Variants in CUBN observed in about 807,000 individuals in gnomAD.
The protein encoded by CUBN is 460 kDa receptor.
CUBN carries 282 observed loss-of-function variants against 405.3 expected under a neutral mutation model. The observed-to-expected ratio is 0.70, with a 90% confidence interval of 0.63 to 0.77. CUBN has a LOEUF of 0.77. CUBN is among the 30% of genes least tolerant of loss of function. The probability of loss-of-function intolerance (pLI) is 0.00; values close to 1 mark genes in which losing one functional copy is unlikely to be tolerated. For missense variants in CUBN, 4,514 were observed against 4,475.2 expected (o/e 1.01, Z -0.25); for synonymous variants, 1,684 against 1,617.0 (o/e 1.04, Z -0.99).
At position 16,914,010 on chromosome 10, in the gene CUBN, C is replaced by T. The variant is rs1841810238; in HGVS notation, c.7352-18G>A. 1.9e-6 allele frequency: 3 copies of T among 1,613,220 alleles called. No individual in the cohort carries two copies. Among genetic ancestry groups the T allele is most frequent in the Non-Finnish European group, 2.5e-6 (3 of 1,179,754 alleles). Reference sequence around the variant, plus strand: ...ACCACACTCTGACGTGGGGAAAAAGCCAAGAAAACTTTCAATCAAATCAAA... The same window carrying T: ...ACCACACTCTGACGTGGGGAAAAAGTCAAGAAAACTTTCAATCAAATCAAA... On this transcript the variant is annotated intron_variant, in intron 47 of 66. Transcript: ENST00000377833.
rs142292210 is a variant in CUBN, at chr10:17,068,143, A to G, written c.2929T>C (p.Phe977Leu). 8.0e-5 allele frequency: 129 copies of G among 1,613,686 alleles called. No homozygotes were observed. The African/African-American group carries it at 1.6e-3, about 20-fold the overall frequency. Residue 977 changes from phenylalanine to leucine, a missense_variant, in exon 21 of 67, where the codon TTT becomes CTT. By Grantham distance (22) the Phe-to-Leu change is conservative. Around this residue, in one of 5 missense-constraint regions of CUBN, gnomAD observed 1,448 missense variants for 1,388.0 expected, o/e 1.04. Transcript: ENST00000377833. Reference sequence around the variant, plus strand: ...CAATTGTAATGAAACTCCAGATGAAATGTTTCGAACATTAAATGAATCAGG... The same window carrying G: ...CAATTGTAATGAAACTCCAGATGAAGTGTTTCGAACATTAAATGAATCAGG... ...NHLIHLMFET[F>L]HLEFHYNCTN... is the part of the protein sequence containing the mutation.
intron 54 of CUBN, among the ~76,000 whole-genome samples, 157 bp from the exon 55 acceptor site, chr10:16,890,684 AT>A (rs1376129089): frequency 1.3e-5 from 2 of 152,176 alleles, no homozygotes; most frequent in African/African-American, 2.4e-5. Context: ...TTTGAGAATA[AT>A]TTTTTTAAAG....
intron 28 of CUBN, among the ~76,000 whole-genome samples, chr10:17,014,245 G>A (rs1834263993): frequency 6.6e-6 from 1 of 152,162 alleles, no homozygotes; most frequent in African/African-American, 2.4e-5. Context: ...TGAGTCTAAG[G>A]ACCCCAAGAG....
intron 14 of CUBN, among the ~76,000 whole-genome samples, chr10:17,092,535 G>A (rs1907359): frequency 0.76 from 115,694 of 151,982 alleles, 44,313 homozygotes; most frequent in Middle Eastern, 0.9. Context: ...GGATGCAGTA[G>A]AGAAGGCAGT....
intron 31 of CUBN, among the ~76,000 whole-genome samples, chr10:16,960,787 C>T (rs532182460): frequency 1.6e-4 from 25 of 152,220 alleles, no homozygotes; most frequent in African/African-American, 5.3e-4. Context: ...GAGGTCAGCT[C>T]GGCTGCTTTC....
At position 16,880,900 on chromosome 10, in the gene CUBN, A is replaced by G. The variant is rs80249557; in HGVS notation, c.8906-3803T>C. 7.7e-3 allele frequency among the ~76,000 whole-genome samples: 1,173 copies of G among 152,322 alleles called. 12 individuals are homozygous for G. Among genetic ancestry groups the G allele is most frequent in the African/African-American group, 0.026 (1,091 of 41,564 alleles). On this transcript the variant is annotated intron_variant, in intron 56 of 66. Coordinates refer to ENST00000377833, the MANE Select transcript of CUBN (RefSeq NM_001081.4). The stretch of plus-strand genomic sequence containing the variant: ...TTGAAAGAGTGAAAGACTGAACTTC[A>G]ATGGCCTTTTCATGTAATTAGAAGC...
At chr10:17,056,380 GC>G (rs533993737) in intron 22 of CUBN, among the ~76,000 whole-genome samples, 16 of 152,234 alleles carry the variant, frequency 1.1e-4, no homozygotes, top group African/African-American at 2.6e-4. Context: ...GGAAGACGAG[GC>G]GGGCGGATCA....
At chr10:17,026,878 G>A (rs552098762) in intron 27 of CUBN, among the ~76,000 whole-genome samples, 2 of 152,270 alleles carry the variant, frequency 1.3e-5, no homozygotes, top group African/African-American at 4.8e-5. Flanking sequence ...CATAGGCACA[G>A]AAAAAGCCGC....
intron 31 of CUBN, among the ~76,000 whole-genome samples, chr10:16,963,753 T>G (rs1488399229): frequency 2.0e-5 from 3 of 152,160 alleles, no homozygotes; most frequent in East Asian, 1.9e-4. Flanking sequence ...TGCATTACAA[T>G]GCAGAAAATG....
intron 59 of CUBN, among the ~76,000 whole-genome samples, chr10:16,865,804 C>T (rs966067647): frequency 5.3e-5 from 8 of 152,220 alleles, no homozygotes; most frequent in South Asian, 4.1e-4. Flanking sequence ...TACCCTTCCA[C>T]GCTGCGGAAG....
At chr10:17,081,579 C>T (rs4748347) in intron 17 of CUBN, among the ~76,000 whole-genome samples, 54,068 of 151,994 alleles carry the variant, frequency 0.36, 11,523 homozygotes, top group East Asian at 0.56. Context: ...ATAATAATGT[C>T]ATTAGAATTT....
At chr10:17,008,176 A>G (rs907925777) in intron 28 of CUBN, among the ~76,000 whole-genome samples, 2 of 151,920 alleles carry the variant, frequency 1.3e-5, no homozygotes, top group Non-Finnish European at 2.9e-5. Context: ...ATTACACTTG[A>G]GCATTGAGAG....
intron 17 of CUBN, among the ~76,000 whole-genome samples, chr10:17,077,534 A>G (rs1835879660): frequency 6.6e-6 from 1 of 152,180 alleles, no homozygotes; most frequent in Non-Finnish European, 1.5e-5. Context: ...TAATTTCTAA[A>G]ATAATAAGCA....
intron 31 of CUBN, among the ~76,000 whole-genome samples, chr10:16,955,268 G>A (rs1365627659): frequency 6.6e-6 from 1 of 150,932 alleles, no homozygotes; most frequent in Non-Finnish European, 1.5e-5. Flanking sequence ...AGCTACTCAG[G>A]AGGCTGAGGC....
intron 28 of CUBN, among the ~76,000 whole-genome samples, chr10:16,993,507 A>C (rs1001789277): frequency 2.0e-5 from 3 of 152,162 alleles, no homozygotes; most frequent in African/African-American, 7.2e-5. Flanking sequence ...TAAAAAAATT[A>C]CAGTATAGTT....
intron 31 of CUBN, chr10:16,965,676 T>TCATCTTG (rs1161895416): frequency 1.3e-5 from 2 of 153,014 alleles, no homozygotes; most frequent in African/African-American, 4.8e-5. Flanking sequence ...TTACTAAGTT[T>TCATCTTG]CATCTTGCTC....
At chr10:17,036,611 G>A (rs556299399) in intron 27 of CUBN, among the ~76,000 whole-genome samples, 1 of 152,260 alleles carries the variant, frequency 6.6e-6, no homozygotes, top group East Asian at 1.9e-4. Context: ...CCAGGGGGCT[G>A]AAGGGAAAAC....
At chr10:16,880,498 C>A (rs971708163) in intron 56 of CUBN, among the ~76,000 whole-genome samples, 1 of 152,198 alleles carries the variant, frequency 6.6e-6, no homozygotes, top group Non-Finnish European at 1.5e-5. Context: ...GCAAAAAGAG[C>A]GGGGAAGAGA....
At chr10:16,869,092 A>C (rs1840271580) in intron 59 of CUBN, among the ~76,000 whole-genome samples, 2 of 149,992 alleles carry the variant, frequency 1.3e-5, no homozygotes, top group South Asian at 4.2e-4. Context: ...TCCCATCTAG[A>C]TTTCTATCAT....
Sources: gnomAD v4.1 joint callset for allele counts (sites outside exome capture counted in the v4.1 genomes callset) on GRCh38, gnomAD v4.1.1 for gene constraint, gnomAD v4.1.1 regional missense constraint, MANE v1.5 for transcripts, NCBI Gene and HGNC (gene_info 2026-07-23, HGNC 2026-07-21) for gene names.